The following TMEM40 variants were observed in gnomAD, a reference collection of about 807,000 sequenced individuals.
TMEM40 encodes transmembrane protein 40.
TMEM40 carries 34 observed loss-of-function variants against 40.8 expected under a neutral mutation model. That is an observed-to-expected ratio of 0.83 (90% CI 0.63 to 1.11). The LOEUF (loss-of-function observed/expected upper bound fraction) is 1.11, where lower values mean the gene tolerates loss of function less well. TMEM40 is among the 50% of genes least tolerant of loss of function. The pLI, the probability that TMEM40 is intolerant of heterozygous loss-of-function variation, is 0.00. For missense variants in TMEM40, 296 were observed against 280.2 expected, an observed-to-expected ratio of 1.06 and a Z score of -0.40; for synonymous variants, 106 against 107.0, an observed-to-expected ratio of 0.99 and a Z score of 0.06.
chr3:12,748,443 TG>T (rs2061445906), intron 3 of TMEM40, among the ~76,000 whole-genome samples: 1 of 152,284 alleles, frequency 6.6e-6, no homozygotes, highest in South Asian at 2.1e-4. Context: ...TAGGATAAGA[TG>T]GGGAAAATTT....
chr3:12,768,568 G>A (rs540551073), intron 1 of TMEM40, among the ~76,000 whole-genome samples: 14 of 152,042 alleles, frequency 9.2e-5, no homozygotes, highest in South Asian at 2.1e-4. Flanking sequence ...ACAGAGTGCC[G>A]ACTGGTGCAT....
chr3:12,738,870 T>A (rs58532690), intron 5 of TMEM40: 3 of 414,774 alleles, frequency 7.2e-6, no homozygotes, highest in East Asian at 4.4e-5. Flanking sequence ...ATGAAAAAGT[T>A]TGGGCCGCAC....
At chr3:12,755,264 TTTCTTTCTTTCTTTCTTTC>T (rs1400952878) in intron 1 of TMEM40, among the ~76,000 whole-genome samples, 70 of 121,348 alleles carry the variant, frequency 5.8e-4, no homozygotes, top group African/African-American at 2.4e-3. Context: ...TCTTTCTTTC[TTTCTTTCTTTCTTTCTTTC>T]TTCTTTTCTA....
At chr3:12,745,956 G>C (rs556218671) in intron 3 of TMEM40, among the ~76,000 whole-genome samples, 2 of 151,244 alleles carry the variant, frequency 1.3e-5, no homozygotes, top group Non-Finnish European at 2.9e-5. Context: ...GGAGTGCAGC[G>C]GTGCAATCTC....
At chr3:12,766,880 G>A (rs959663363) in intron 1 of TMEM40, among the ~76,000 whole-genome samples, 2 of 151,990 alleles carry the variant, frequency 1.3e-5, no homozygotes, top group South Asian at 2.1e-4. Context: ...CCTGACCCTC[G>A]GCCTAGTGAT....
At chr3:12,744,666 G>T (rs6799821) in intron 3 of TMEM40, among the ~76,000 whole-genome samples, 2,062 of 152,298 alleles carry the variant, frequency 0.014, 52 homozygotes, top group African/African-American at 0.046. Context: ...ACTTGAAAAT[G>T]GTTGTCATTT....
upstream of TMEM40, among the ~76,000 whole-genome samples, chr3:12,763,084 C>A (rs527791523): frequency 5.1e-3 from 739 of 144,292 alleles, 4 homozygotes; most frequent in African/African-American, 0.018. Flanking sequence ...GGCGTGAATC[C>A]GGGAGGCGGA....
In TMEM40 at chr3:12,748,788, T is replaced by C. The variant is rs1218597523; in HGVS notation, c.78A>G (p.Gly26=). 4 of 1,613,950 alleles carry C rather than the reference T, an allele frequency of 2.5e-6. No homozygotes were observed. Among genetic ancestry groups the C allele is most frequent in the African/African-American group, 1.3e-5 (1 of 75,016 alleles). Reference sequence around the variant, plus strand: ...CATCTTGCTTGTGGAAATCTGTCTCTCCATCTACAAGGCACACAGAGGCCA... The same window carrying C: ...CATCTTGCTTGTGGAAATCTGTCTCCCCATCTACAAGGCACACAGAGGCCA... The part of the protein sequence containing the change: ...VHRETEDVDY[G]ETDFHKQDGK... The change falls in exon 3 of 12, where the codon GGA becomes GGG. Residue 26 remains glycine (G), a synonymous_variant. Coordinates refer to ENST00000314124, the MANE Select transcript of TMEM40 (RefSeq NM_018306.4).
At chr3:12,753,211 C>CTTTTTTTTTTTTTTTTTTTTT (rs56739791) in intron 1 of TMEM40, among the ~76,000 whole-genome samples, 10 of 76,284 alleles carry the variant, frequency 1.3e-4, no homozygotes, top group Non-Finnish European at 2.1e-4. Context: ...TTCTTTCTTT[C>CTTTTTTTTTTTTTTTTTTTTT]TTTTTTTTTT....
chr3:12,737,323 C>T (rs762958036), intron 8 of TMEM40, among the ~76,000 whole-genome samples: 6 of 152,016 alleles, frequency 3.9e-5, no homozygotes, highest in Admixed American at 6.6e-5. Flanking sequence ...TGCTCCTTTC[C>T]GATTCTGGTC....
upstream of TMEM40, chr3:12,759,318 G>T (rs765690695): frequency 6.6e-6 from 1 of 152,480 alleles, no homozygotes; most frequent in Non-Finnish European, 1.5e-5. Context: ...CTACCGTGAC[G>T]TTGTCCCTGG....
At position 12,734,634 on chromosome 3, in the gene TMEM40, A is replaced by C; in HGVS notation, c.*140T>G. 1 of 1,007,618 alleles carries C rather than the reference A, an allele frequency of 9.9e-7. No individual in the cohort carries two copies. The highest frequency in any genetic ancestry group is 1.5e-6 in the Non-Finnish European group (1 of 680,656). 62.4% of individuals were successfully genotyped at this position (1,007,618 alleles called of 1,614,324 possible). ...GGGCTGGTGCCAACATTCAGACCACATGGAAGGAAAAGTGTTCTGTTTATT... is the reference window on the plus strand; with the variant it reads ...GGGCTGGTGCCAACATTCAGACCACCTGGAAGGAAAAGTGTTCTGTTTATT... On this transcript the variant is annotated 3_prime_UTR_variant, in exon 12 of 12. Transcript: ENST00000314124.
At chr3:12,765,363 G>A (rs924797515) in intron 1 of TMEM40, among the ~76,000 whole-genome samples, 2 of 151,778 alleles carry the variant, frequency 1.3e-5, no homozygotes, top group Middle Eastern at 3.2e-3. Flanking sequence ...ATGGGCTGTC[G>A]ATGGGAACAC....
At chr3:12,737,491 G>C in intron 8 of TMEM40, 1 of 600,238 alleles carries the variant, frequency 1.7e-6, no homozygotes, top group South Asian at 2.1e-5. Context: ...AAGCTGTAAG[G>C]CCACTCCCCA....
intron 5 of TMEM40, among the ~76,000 whole-genome samples, chr3:12,740,527 C>T (rs959447905): frequency 6.7e-6 from 1 of 149,658 alleles, no homozygotes; most frequent in Non-Finnish European, 1.5e-5. Context: ...CGGTGAAACC[C>T]CATCTCTACT....
chr3:12,742,839 C>T (rs1041007689), intron 4 of TMEM40, among the ~76,000 whole-genome samples: 16 of 152,198 alleles, frequency 1.1e-4, no homozygotes, highest in African/African-American at 3.6e-4. Flanking sequence ...TTGCTCCTCA[C>T]GGATATCCTA....
rs200338033 is a variant in TMEM40 at position 12,736,531 on chromosome 3, C to A, written c.619+47G>T. On this transcript the variant is annotated intron_variant, in intron 10 of 11. Coordinates refer to ENST00000314124, the MANE Select transcript of TMEM40 (RefSeq NM_018306.4). The stretch of plus-strand genomic sequence containing the variant: ...TGAAAATGAATATTTCTACCCACGA[C>A]CCCTCCAAGAGACTGTGTGTGTGTC... 35 of 1,530,846 alleles carry A rather than the reference C, an allele frequency of 2.3e-5. No homozygotes were observed. In the South Asian group the frequency reaches 2.8e-4, roughly 12 times the overall value. 94.8% of individuals were successfully genotyped at this position (1,530,846 alleles called of 1,614,324 possible).
intron 8 of TMEM40, among the ~76,000 whole-genome samples, 175 bp from the exon 9 acceptor site, chr3:12,737,010 C>T (rs2061342896): frequency 6.6e-6 from 1 of 152,086 alleles, no homozygotes; most frequent in Admixed American, 6.6e-5. Context: ...TCACAAGCAG[C>T]AAGGCCTACA....
upstream of TMEM40, among the ~76,000 whole-genome samples, chr3:12,761,747 G>A (rs1234290642): frequency 6.6e-6 from 1 of 152,182 alleles, no homozygotes; most frequent in South Asian, 2.1e-4. Flanking sequence ...GTCGTGGGAA[G>A]TTTACAGCTC....
Sources: allele counts gnomAD v4.1 joint callset (sites outside exome capture counted in the v4.1 genomes callset), GRCh38; gene constraint gnomAD v4.1.1; transcripts MANE v1.5; gene names NCBI Gene and HGNC (gene_info 2026-07-23, HGNC 2026-07-21).